The following NDUFAF2 variants were observed in gnomAD, a reference collection of about 807,000 sequenced individuals.
NDUFAF2 encodes NADH dehydrogenase [ubiquinone] 1 alpha subcomplex assembly factor 2.
NDUFAF2 carries 13 observed loss-of-function variants against 22.8 expected under a neutral mutation model. The ratio of observed to expected loss-of-function variants is 0.57; its 90% confidence interval spans 0.37 to 0.91. The LOEUF is 0.91. Among genes scored for constraint, NDUFAF2 ranks in the 40% least tolerant of loss-of-function variants. The probability of loss-of-function intolerance (pLI) is 0.01; values close to 1 mark genes in which losing one functional copy is unlikely to be tolerated. For missense variants in NDUFAF2, 162 were observed against 195.2 expected (o/e 0.83, Z 1.01); for synonymous variants, 53 against 64.2 (o/e 0.83, Z 0.84).
Position 60,993,705 on chromosome 5 carries a change from C to T in NDUFAF2, c.127+48323C>T, listed in dbSNP as rs551408794. Among the ~76,000 whole-genome samples the T allele has an allele frequency of 6.4e-4, 98 of 152,192 alleles. 1 individual carries two copies. Among genetic ancestry groups the T allele is most frequent in the Non-Finnish European group, 9.7e-4 (66 of 67,996 alleles). ...GGAGGCCCTGGAATGGATAGCTCCT[C>T]TCTGCAGCTGATCACCCCGATGTCT... On this transcript the variant is annotated intron_variant, in intron 1 of 3. Transcript: ENST00000296597.
chr5:61,061,888 A>C (rs1431408821), intron 1 of NDUFAF2, among the ~76,000 whole-genome samples: 1 of 152,202 alleles, frequency 6.6e-6, no homozygotes, highest in African/African-American at 2.4e-5. Context: ...ACACTGCTGC[A>C]GTCAGTACCA....
chr5:60,974,613 A>T (rs972352961), intron 1 of NDUFAF2, among the ~76,000 whole-genome samples: 1 of 151,938 alleles, frequency 6.6e-6, no homozygotes, highest in Non-Finnish European at 1.5e-5. Flanking sequence ...TCGCATCCCA[A>T]AGTGCTGGGA....
intron 1 of NDUFAF2, among the ~76,000 whole-genome samples, chr5:61,042,973 G>A (rs569961908): frequency 2.6e-5 from 4 of 152,220 alleles, no homozygotes; most frequent in African/African-American, 7.2e-5. Flanking sequence ...TAATCCCAGC[G>A]CTTTGGGAGG....
intron 2 of NDUFAF2, among the ~76,000 whole-genome samples, chr5:61,075,345 A>G (rs1436561864): frequency 1.3e-5 from 2 of 152,182 alleles, no homozygotes; most frequent in African/African-American, 4.8e-5. Flanking sequence ...GAGGAAAAAA[A>G]AAACCATAAA....
chr5:61,062,500 G>A (rs1340480658), intron 1 of NDUFAF2, among the ~76,000 whole-genome samples: 1 of 152,158 alleles, frequency 6.6e-6, no homozygotes, highest in South Asian at 2.1e-4. Context: ...AGGTCTGTTG[G>A]AATGACTCAG....
chr5:61,039,572 T>C (rs1436458664), intron 1 of NDUFAF2, among the ~76,000 whole-genome samples: 1 of 152,226 alleles, frequency 6.6e-6, no homozygotes, highest in Non-Finnish European at 1.5e-5. Flanking sequence ...AGTGATGATA[T>C]AATGTATACT....
At chr5:60,963,838 G>C (rs866133299) in intron 1 of NDUFAF2, among the ~76,000 whole-genome samples, 26 of 152,294 alleles carry the variant, frequency 1.7e-4, no homozygotes, top group African/African-American at 5.8e-4. Flanking sequence ...AATCTTAAAT[G>C]TGATGGTTAG....
chr5:60,954,795 T>C (rs1750594621), intron 1 of NDUFAF2, among the ~76,000 whole-genome samples: 1 of 151,916 alleles, frequency 6.6e-6, no homozygotes, highest in South Asian at 2.1e-4. Context: ...TATAAGGTGA[T>C]AGCTTATTGT....
At chr5:61,112,618 T>C (rs1266295426) in intron 3 of NDUFAF2, among the ~76,000 whole-genome samples, 1 of 152,214 alleles carries the variant, frequency 6.6e-6, no homozygotes. Flanking sequence ...TCTTTTTCCA[T>C]CCTTTTATTT....
At chr5:60,995,410 G>A (rs1404876104) in intron 1 of NDUFAF2, among the ~76,000 whole-genome samples, 4 of 152,204 alleles carry the variant, frequency 2.6e-5, no homozygotes, top group East Asian at 3.8e-4. Flanking sequence ...GTTCAGTAAC[G>A]CTGTGGTTCT....
chr5:61,109,648 T>C (rs1752810576), intron 3 of NDUFAF2, among the ~76,000 whole-genome samples: 1 of 152,156 alleles, frequency 6.6e-6, no homozygotes, highest in African/African-American at 2.4e-5. Context: ...TAGTAGGAAA[T>C]AATTGGATTA....
At chr5:61,001,988 G>C (rs552067411) in intron 1 of NDUFAF2, among the ~76,000 whole-genome samples, 171 of 152,212 alleles carry the variant, frequency 1.1e-3, no homozygotes, top group African/African-American at 3.9e-3. Flanking sequence ...GAAAGGGTTG[G>C]TAGGAAAACT....
In NDUFAF2 at chr5:60,974,909, G is replaced by A. The variant is rs1300782674; in HGVS notation, c.127+29527G>A. Among the ~76,000 whole-genome samples the A allele has an allele frequency of 3.9e-5, 6 of 152,082 alleles. No homozygotes were observed. In the South Asian group the frequency reaches 6.2e-4, roughly 16 times the overall value. On this transcript the variant is annotated intron_variant, in intron 1 of 3. Transcript: ENST00000296597. ...TGGCTCATTGCAACTTCCTCCTCCC[G>A]GGTTCAAGCATTTCTCCTGCCTCAG... is the stretch of plus-strand genomic sequence containing the variant.
chr5:60,947,409 A>C (rs1167222634), intron 1 of NDUFAF2, among the ~76,000 whole-genome samples: 1 of 152,088 alleles, frequency 6.6e-6, no homozygotes, highest in Non-Finnish European at 1.5e-5. Flanking sequence ...CAGTCTTTTC[A>C]TGTGCTTATT....
chr5:61,040,813 T>C (rs1169063888), intron 1 of NDUFAF2, among the ~76,000 whole-genome samples: 4 of 152,146 alleles, frequency 2.6e-5, no homozygotes, highest in African/African-American at 9.6e-5. Context: ...TATGAAAAAA[T>C]AATTGTAGAT....
intron 2 of NDUFAF2, chr5:61,083,132 T>C (rs1489249582): frequency 6.6e-6 from 1 of 152,154 alleles, no homozygotes; most frequent in Non-Finnish European, 1.5e-5. Flanking sequence ...ATTAGTCATA[T>C]TGAGTATTTT....
At chr5:61,009,077 A>G (rs1006476362) in intron 1 of NDUFAF2, among the ~76,000 whole-genome samples, 3 of 151,982 alleles carry the variant, frequency 2.0e-5, no homozygotes, top group Non-Finnish European at 4.4e-5. Flanking sequence ...TGTTATCTTC[A>G]TAGTTTACAG....
At chr5:61,074,009 A>G (rs1235607451) in intron 2 of NDUFAF2, among the ~76,000 whole-genome samples, 2 of 152,240 alleles carry the variant, frequency 1.3e-5, no homozygotes, top group Non-Finnish European at 2.9e-5. Context: ...TTCCCAGTTC[A>G]GTTTCTCTCT....
chr5:61,090,357 T>G (rs1752551975), intron 2 of NDUFAF2, among the ~76,000 whole-genome samples: 1 of 152,106 alleles, frequency 6.6e-6, no homozygotes, highest in South Asian at 2.1e-4. Flanking sequence ...AATGTTTGTC[T>G]GTGTTCCAAT....
Sources: allele counts gnomAD v4.1 joint callset (sites outside exome capture counted in the v4.1 genomes callset), GRCh38; gene constraint gnomAD v4.1.1; transcripts MANE v1.5; gene names NCBI Gene and HGNC (gene_info 2026-07-23, HGNC 2026-07-21).